Variants in FANCC observed in about 807,000 individuals in gnomAD.
FANCC encodes the protein Fanconi anemia group C protein.
FANCC carries 55 observed loss-of-function variants against 71.3 expected under a neutral mutation model. The ratio of observed to expected loss-of-function variants is 0.77; its 90% CI spans 0.62 to 0.97. The LOEUF is 0.97. FANCC is among the 50% of genes least tolerant of loss of function. FANCC has a pLI of 0.00. For missense variants in FANCC, 678 were observed against 670.9 expected, an observed-to-expected ratio of 1.01 and a Z score of -0.12; for synonymous variants, 275 against 244.9, an observed-to-expected ratio of 1.12 and a Z score of -1.15.
chr9:95,111,585 A>T lies in FANCC; in HGVS notation c.1207T>A (p.Trp403Arg). The T allele has an allele frequency of 1.2e-6, 2 of 1,614,170 alleles. No individual in the cohort carries two copies. The highest frequency in any genetic ancestry group is 1.7e-6 in the Non-Finnish European group (2 of 1,180,040). ...AATTGCTCTGCCACCATCTCAGCCC[A>T]TCCTCCGAAGTGAATGAACAGGAAC... ...SWFLFIHFGG[W>R]AEMVAEQLLM... is the part of the protein sequence containing the mutation. Residue 403 changes from tryptophan (W) to arginine (R), a missense_variant, in exon 13 of 15, where the codon TGG becomes AGG. Trp to Arg is a moderately radical substitution (Grantham distance 101). Transcript: ENST00000289081.
chr9:95,292,478 C>T, intron 1 of FANCC: 5 of 1,331,522 alleles, frequency 3.8e-6, no homozygotes, highest in Non-Finnish European at 4.8e-6. Flanking sequence ...TGAGGGGCAG[C>T]CGGCCGCGGC....
chr9:95,248,617 CATA>C (rs1588352476), intron 2 of FANCC, among the ~76,000 whole-genome samples: 2 of 151,666 alleles, frequency 1.3e-5, no homozygotes, highest in East Asian at 3.9e-4. Flanking sequence ...AAATATCTAT[CATA>C]ATAAAAGAAA....
chr9:95,189,528 C>T (rs1454659521), intron 4 of FANCC, among the ~76,000 whole-genome samples: 1 of 151,548 alleles, frequency 6.6e-6, no homozygotes, highest in Non-Finnish European at 1.5e-5. Context: ...TCATTAGTTC[C>T]GGGGGGGGAA....
intron 6 of FANCC, among the ~76,000 whole-genome samples, chr9:95,168,898 G>A (rs1825481112): frequency 6.6e-6 from 1 of 152,170 alleles, no homozygotes; most frequent in Admixed American, 6.5e-5. Flanking sequence ...TCTGGAACAT[G>A]AATCATCCCT....
intron 1 of FANCC, among the ~76,000 whole-genome samples, chr9:95,289,890 C>A (rs1467928998): frequency 6.6e-6 from 1 of 152,106 alleles, no homozygotes; most frequent in Non-Finnish European, 1.5e-5. Flanking sequence ...AACTCCTGGG[C>A]TCAAGTGATC....
intron 6 of FANCC, among the ~76,000 whole-genome samples, chr9:95,154,610 C>T (rs1454495549): frequency 6.6e-6 from 1 of 152,128 alleles, no homozygotes; most frequent in Non-Finnish European, 1.5e-5. Context: ...CCACAATACA[C>T]CATCCTTATG....
Position 95,107,221 on chromosome 9 carries a change from T to G in FANCC, c.1378A>C (p.Ser460Arg). The part of the protein sequence containing the change: ...LGHLLAMSRS[S>R]SLSAQDLQTV... The stretch of plus-strand genomic sequence containing the variant: ...TGCAGGTCCTGGGCTGAGAGGCTGC[T>G]GCTTCTGGACATTGCCAGGAGGTGG... Residue 460 changes from serine (S) to arginine (R), a missense_variant, in exon 14 of 15, where the codon AGC (serine) becomes CGC (arginine). Transcript: ENST00000289081. The G allele has an allele frequency of 6.2e-7, 1 of 1,614,186 alleles. No individual in the cohort carries two copies. Among genetic ancestry groups the G allele is most frequent in the Non-Finnish European group, 8.5e-7 (1 of 1,180,034 alleles).
At chr9:95,157,062 T>C (rs1830493448) in intron 6 of FANCC, among the ~76,000 whole-genome samples, 1 of 152,222 alleles carries the variant, frequency 6.6e-6, no homozygotes, top group African/African-American at 2.4e-5. Flanking sequence ...TGACTTCAAA[T>C]GTCGAAGCAG....
intron 1 of FANCC, among the ~76,000 whole-genome samples, chr9:95,304,702 A>G (rs1458210248): frequency 1.4e-5 from 2 of 142,738 alleles, no homozygotes; most frequent in Non-Finnish European, 3.0e-5. Context: ...GTGAGCCAAG[A>G]TCGTGCCACT....
rs181552017 is a variant in FANCC, at chr9:95,122,442, T to C, written c.996+2644A>G. ...TCAGGTCCAGCTCTAGGAAGAGAAATAAACTAACAGATACCTATGCAGGCA... is the reference window on the plus strand; with the variant it reads ...TCAGGTCCAGCTCTAGGAAGAGAAACAAACTAACAGATACCTATGCAGGCA... On this transcript the variant is annotated intron_variant, in intron 10 of 14. Transcript: ENST00000289081. Among the ~76,000 whole-genome samples the C allele has an allele frequency of 3.3e-3, 499 of 152,162 alleles. 2 individuals carry two copies. The highest frequency in any genetic ancestry group is 0.011 in the African/African-American group (469 of 41,514).
rs568537338 is a variant in FANCC, at chr9:95,153,322, GT to G, written c.522-3236del. Among the ~76,000 whole-genome samples, 182 of 149,332 alleles carry G rather than the reference GT, an allele frequency of 1.2e-3. 2 individuals carry two copies. The highest frequency in any genetic ancestry group is 4.1e-3 in the African/African-American group (167 of 40,714). On this transcript the variant is annotated intron_variant, in intron 6 of 14. Transcript: ENST00000289081. Reference sequence around the variant, plus strand: ...TGCTATAAAAATACATATGCAAGTGGTTTTTTTTTTATATAAAGACATCTTT... The same window carrying G: ...TGCTATAAAAATACATATGCAAGTGGTTTTTTTTTATATAAAGACATCTTT...
intron 4 of FANCC, among the ~76,000 whole-genome samples, chr9:95,216,106 C>G (rs1222208418): frequency 6.6e-6 from 1 of 152,084 alleles, no homozygotes; most frequent in Non-Finnish European, 1.5e-5. Flanking sequence ...CTATGAAAAA[C>G]CCACTTTAAA....
At chr9:95,256,685 A>T (rs1261159330) in intron 1 of FANCC, among the ~76,000 whole-genome samples, 2 of 152,178 alleles carry the variant, frequency 1.3e-5, no homozygotes, top group Non-Finnish European at 2.9e-5. Context: ...TCACACATAA[A>T]AATATTAACC....
chr9:95,253,075 A>G (rs1423143981), intron 1 of FANCC, among the ~76,000 whole-genome samples: 2 of 152,108 alleles, frequency 1.3e-5, no homozygotes, highest in Non-Finnish European at 2.9e-5. Flanking sequence ...AAAGAAAAAA[A>G]GGCAAACAAC....
chr9:95,239,978 A>G lies in FANCC; in HGVS notation c.345+671T>C, dbSNP rs368837093. ...CAGCAAGGCAGTGCGGGGAACAGAA[A>G]AGAACAGCCAATGCGCTGCTGGTGA... is the stretch of plus-strand genomic sequence containing the variant. On this transcript the variant is annotated intron_variant, in intron 4 of 14. Coordinates refer to ENST00000289081, the MANE Select transcript of FANCC (RefSeq NM_000136.3). Among the ~76,000 whole-genome samples the G allele has an allele frequency of 7.9e-5, 12 of 152,348 alleles. No homozygotes were observed. The East Asian group carries it at 1.7e-3, about 22-fold the overall frequency.
At chr9:95,301,464 G>A (rs1479444472) in intron 1 of FANCC, among the ~76,000 whole-genome samples, 1 of 151,846 alleles carries the variant, frequency 6.6e-6, no homozygotes, top group African/African-American at 2.4e-5. Context: ...GTCTTGTTCT[G>A]TCGCCCAGGC....
chr9:95,231,582 C>T (rs1830013331), intron 4 of FANCC, among the ~76,000 whole-genome samples: 1 of 152,154 alleles, frequency 6.6e-6, no homozygotes, highest in Non-Finnish European at 1.5e-5. Context: ...ACTCACCATT[C>T]AAATTGTCTA....
intron 1 of FANCC, among the ~76,000 whole-genome samples, chr9:95,262,649 G>A (rs184310347): frequency 3.7e-4 from 57 of 152,264 alleles, no homozygotes; most frequent in African/African-American, 1.3e-3. Flanking sequence ...TAAAAGCAGG[G>A]TTTCAAAGAG....
Position 95,187,960 on chromosome 9 carries a change from C to A in FANCC, c.346-15813G>T, listed in dbSNP as rs1052673798. Reference sequence around the variant, plus strand: ...AGGTTCAATGAGTAGTTCTGCCACTCAGTGAAGAAACTCACTTACTGTCAC... The same window carrying A: ...AGGTTCAATGAGTAGTTCTGCCACTAAGTGAAGAAACTCACTTACTGTCAC... On this transcript the variant is annotated intron_variant, in intron 4 of 14. Transcript: ENST00000289081. 2.6e-5 allele frequency among the ~76,000 whole-genome samples: 4 copies of A among 151,402 alleles called. No individual in the cohort carries two copies. In the Middle Eastern group the frequency reaches 0.01, roughly 386 times the overall value.
Sources: allele counts gnomAD v4.1 joint callset (sites outside exome capture counted in the v4.1 genomes callset), GRCh38; gene constraint gnomAD v4.1.1; transcripts MANE v1.5; gene names NCBI Gene and HGNC (gene_info 2026-07-23, HGNC 2026-07-21).